SGMS2: variants seen among roughly 807,000 people sequenced by gnomAD.
SGMS2 encodes the protein phosphatidylcholine:ceramide cholinephosphotransferase 2.
Under a neutral mutation model 43.8 loss-of-function variants are expected in SGMS2, and 21 were observed. The observed-to-expected ratio is 0.48, with a 90% CI of 0.34 to 0.69. SGMS2 has a LOEUF of 0.69. Among genes scored for constraint, SGMS2 ranks in the 30% least tolerant of loss-of-function variants. SGMS2 has a pLI of 0.01. For missense variants in SGMS2, 384 were observed against 443.2 expected (o/e 0.87, Z 1.20); for synonymous variants, 167 against 160.6 (o/e 1.04, Z -0.30).
At chr4:107,890,901 T>G (rs939713402) in intron 2 of SGMS2, among the ~76,000 whole-genome samples, 6 of 151,812 alleles carry the variant, frequency 4.0e-5, no homozygotes, top group Admixed American at 3.3e-4. Flanking sequence ...GTACCAAGTA[T>G]CAAACCAGAA....
chr4:107,842,786 T>TC (rs1188039763), intron 1 of SGMS2, among the ~76,000 whole-genome samples: 1 of 152,232 alleles, frequency 6.6e-6, no homozygotes, highest in Non-Finnish European at 1.5e-5. Context: ...AACTTTTTTT[T>TC]CAACTCTTTA....
intron 2 of SGMS2, among the ~76,000 whole-genome samples, chr4:107,881,653 A>G (rs1013077932): frequency 3.3e-5 from 5 of 152,126 alleles, no homozygotes; most frequent in African/African-American, 1.2e-4. Context: ...TGTACAATAA[A>G]TTATTGTTGA....
At chr4:107,882,505 C>T (rs958817821) in intron 2 of SGMS2, among the ~76,000 whole-genome samples, 9 of 152,020 alleles carry the variant, frequency 5.9e-5, no homozygotes, top group Non-Finnish European at 4.4e-5. Context: ...GGTTATTAAT[C>T]TCTTGTCAGA....
intron 2 of SGMS2, among the ~76,000 whole-genome samples, chr4:107,860,550 C>G (rs1211825401): frequency 2.0e-5 from 3 of 150,382 alleles, no homozygotes; most frequent in Non-Finnish European, 4.4e-5. Flanking sequence ...GAGACGGAGC[C>G]TCTCTCTGTT....
chr4:107,834,617 C>T (rs1726069364), intron 1 of SGMS2, among the ~76,000 whole-genome samples: 1 of 152,038 alleles, frequency 6.6e-6, no homozygotes, highest in African/African-American at 2.4e-5. Flanking sequence ...TTATGAAATC[C>T]CAGAGAACAA....
At chr4:107,853,568 C>G (rs1165493723) in intron 1 of SGMS2, among the ~76,000 whole-genome samples, 1 of 152,144 alleles carries the variant, frequency 6.6e-6, no homozygotes, top group South Asian at 2.1e-4. Context: ...CTTACTCCCT[C>G]CCCTTATAAG....
intron 1 of SGMS2, among the ~76,000 whole-genome samples, chr4:107,840,580 G>A (rs1307311234): frequency 2.0e-5 from 3 of 152,080 alleles, no homozygotes; most frequent in Non-Finnish European, 4.4e-5. Flanking sequence ...TTTAAAACTT[G>A]GACACAGTAA....
intron 2 of SGMS2, among the ~76,000 whole-genome samples, chr4:107,893,845 G>C (rs541467400): frequency 1.4e-4 from 21 of 152,272 alleles, no homozygotes; most frequent in African/African-American, 3.1e-4. Context: ...CTAGTGATCA[G>C]CTCATCCCTC....
intron 2 of SGMS2, among the ~76,000 whole-genome samples, chr4:107,861,983 C>A (rs960479928): frequency 6.6e-6 from 1 of 152,124 alleles, no homozygotes; most frequent in Admixed American, 6.6e-5. Flanking sequence ...TTAAGCACAC[C>A]CTTACATCTT....
intron 2 of SGMS2, among the ~76,000 whole-genome samples, chr4:107,890,852 A>G (rs1184737609): frequency 6.6e-6 from 1 of 152,142 alleles, no homozygotes; most frequent in African/African-American, 2.4e-5. Flanking sequence ...TCTCATTTCC[A>G]TATTTCACGA....
intron 1 of SGMS2, among the ~76,000 whole-genome samples, chr4:107,842,570 G>C (rs1208504879): frequency 6.6e-6 from 1 of 152,168 alleles, no homozygotes; most frequent in African/African-American, 2.4e-5. Context: ...GTGTGTGAGT[G>C]AGACATTTAG....
chr4:107,830,827 A>T (rs1725850735), intron 1 of SGMS2, among the ~76,000 whole-genome samples: 1 of 152,132 alleles, frequency 6.6e-6, no homozygotes, highest in Non-Finnish European at 1.5e-5. Flanking sequence ...ACTCAGGAAG[A>T]CTTGCAGCAT....
At chr4:107,826,569 C>G (rs960050560) in intron 1 of SGMS2, among the ~76,000 whole-genome samples, 2 of 151,794 alleles carry the variant, frequency 1.3e-5, no homozygotes, top group African/African-American at 4.8e-5. Flanking sequence ...CCTAAAGAAG[C>G]AGTGCAAGCA....
intron 5 of SGMS2, among the ~76,000 whole-genome samples, chr4:107,905,344 A>AC (rs890347051): frequency 1.3e-5 from 2 of 152,130 alleles, no homozygotes; most frequent in African/African-American, 4.8e-5. Flanking sequence ...GGGGGAAACC[A>AC]CCCCCATGAT....
At chr4:107,910,266 A>C in intron 6 of SGMS2, 84 bp from the exon 7 acceptor site, 1 of 1,142,748 alleles carries the variant, frequency 8.8e-7, no homozygotes, top group Admixed American at 2.0e-5. Flanking sequence ...TCCCTAGGTT[A>C]CAGTGAATGA....
At chr4:107,870,016 A>G (rs538032647) in intron 2 of SGMS2, among the ~76,000 whole-genome samples, 8 of 152,328 alleles carry the variant, frequency 5.3e-5, no homozygotes, top group African/African-American at 1.9e-4. Flanking sequence ...TTCCTTGTGT[A>G]GGAATGTCCA....
chr4:107,903,022 CAT>C (rs1486021957), intron 4 of SGMS2, among the ~76,000 whole-genome samples: 1 of 151,900 alleles, frequency 6.6e-6, no homozygotes, highest in African/African-American at 2.4e-5. Flanking sequence ...TTATTAGTAA[CAT>C]ATTGAATAAT....
At chr4:107,881,454 CTTTTTATTTTT>C (rs1475117432) in intron 2 of SGMS2, among the ~76,000 whole-genome samples, 1 of 151,400 alleles carries the variant, frequency 6.6e-6, no homozygotes, top group African/African-American at 2.4e-5. Context: ...ATCTCAATTT[CTTTTTATTTTT>C]TTTTTATTTT....
chr4:107,841,652 G>A (rs985781203), intron 1 of SGMS2, among the ~76,000 whole-genome samples: 1 of 151,820 alleles, frequency 6.6e-6, no homozygotes, highest in Non-Finnish European at 1.5e-5. Context: ...GTACATTGTA[G>A]GTGTATATAC....
Sources: allele counts gnomAD v4.1 joint callset (sites outside exome capture counted in the v4.1 genomes callset), GRCh38; gene constraint gnomAD v4.1.1; transcripts MANE v1.5; gene names NCBI Gene and HGNC (gene_info 2026-07-23, HGNC 2026-07-21).